The following FAM227B variants were observed in gnomAD, a reference collection of about 807,000 sequenced individuals.
FAM227B encodes the protein protein FAM227B.
A neutral mutation model predicts 73.8 loss-of-function variants in FAM227B; 88 were observed. That is an observed-to-expected ratio of 1.19 (90% CI 1.00 to 1.42). FAM227B has a LOEUF of 1.42. Ranked by LOEUF, FAM227B falls within the 40% of genes most tolerant of loss-of-function variation. FAM227B has a pLI of 0.00. For synonymous variants in FAM227B, 210 were observed against 190.5 expected (o/e 1.10, Z -0.84); for missense variants, 632 against 590.9 (o/e 1.07, Z -0.72).
At chr15:49,380,850 T>A (rs914413783) in intron 11 of FAM227B, among the ~76,000 whole-genome samples, 1 of 152,178 alleles carries the variant, frequency 6.6e-6, no homozygotes, top group Non-Finnish European at 1.5e-5. Context: ...CAGAAGCCCC[T>A]TGTGTTAGTC....
At chr15:49,329,430 C>CTT (rs2038179392) in intron 15 of FAM227B, 1 of 983,072 alleles carries the variant, frequency 1.0e-6, no homozygotes, top group Non-Finnish European at 1.2e-6. Context: ...ATCAGAATTA[C>CTT]TTATTATTCT....
At position 49,541,721 on chromosome 15, in the gene FAM227B, A is replaced by G. The variant is rs141301386; in HGVS notation, c.833T>C (p.Phe278Ser). The G allele has an allele frequency of 4.8e-5, 73 of 1,535,180 alleles. No homozygotes were observed. Among genetic ancestry groups the G allele is most frequent in the Non-Finnish European group, 6.0e-5 (69 of 1,141,344 alleles). The change falls in exon 10 of 16, where the codon TTT becomes TCT. Residue 278 changes from phenylalanine to serine, a missense_variant. Phe to Ser is a radical substitution (Grantham distance 155, BLOSUM62 -2). Coordinates refer to ENST00000299338, the MANE Select transcript of FAM227B (RefSeq NM_152647.3). ...PESSYLFNDE[F>S]KEDLGNNIFL... ...AATGTTATTCCCTAGATCTTCTTTA[A>G]ATTCATCATTAAAGAGGTAACTCGA... is the stretch of plus-strand genomic sequence containing the variant.
Position 49,502,641 on chromosome 15 carries a change from C to G in FAM227B, c.1012+5570G>C, listed in dbSNP as rs186112564. Among the ~76,000 whole-genome samples, 661 of 152,286 alleles carry G rather than the reference C, an allele frequency of 4.3e-3. 10 individuals carry two copies. Among genetic ancestry groups the G allele is most frequent in the African/African-American group, 0.015 (635 of 41,550 alleles). On this transcript the variant is annotated intron_variant, in intron 11 of 15. Transcript: ENST00000299338. Reference sequence around the variant, plus strand: ...GAGACTTGCCTTGTTTTAGATGAGACTTTGGACCTCTGAGTTAATGCTGGA... The same window carrying G: ...GAGACTTGCCTTGTTTTAGATGAGAGTTTGGACCTCTGAGTTAATGCTGGA...
At position 49,462,955 on chromosome 15, in the gene FAM227B, G is replaced by T. The variant is rs139420528; in HGVS notation, c.1012+45256C>A. On this transcript the variant is annotated intron_variant, in intron 11 of 15. Transcript: ENST00000299338. ...ATGGAACTGTGTCATGATAAATATA[G>T]CATTATTGGATTCTCTAAATATCAA... is the stretch of plus-strand genomic sequence containing the variant. Among the ~76,000 whole-genome samples, 31 of 152,252 alleles carry T rather than the reference G, an allele frequency of 2.0e-4. No individual in the cohort carries two copies. In the East Asian group the frequency reaches 5.8e-3, roughly 28 times the overall value.
At chr15:49,443,583 A>T (rs1202733407) in intron 11 of FAM227B, among the ~76,000 whole-genome samples, 1 of 151,788 alleles carries the variant, frequency 6.6e-6, no homozygotes, top group African/African-American at 2.4e-5. Context: ...CAAAAATGAG[A>T]AAATAGTTTT....
intron 11 of FAM227B, among the ~76,000 whole-genome samples, chr15:49,412,904 C>G (rs2048963601): frequency 6.6e-6 from 1 of 152,074 alleles, no homozygotes; most frequent in Admixed American, 6.6e-5. Context: ...AGGTCCAGAT[C>G]TCTCTGATCC....
chr15:49,384,388 C>T (rs1201907561), intron 11 of FAM227B, among the ~76,000 whole-genome samples: 1 of 151,992 alleles, frequency 6.6e-6, no homozygotes, highest in African/African-American at 2.4e-5. Flanking sequence ...GTTAATTATG[C>T]TCAATGCCTG....
intron 5 of FAM227B, among the ~76,000 whole-genome samples, chr15:49,584,612 C>T (rs2076031008): frequency 6.6e-6 from 1 of 151,946 alleles, no homozygotes; most frequent in Admixed American, 6.6e-5. Flanking sequence ...TACCTAGAAA[C>T]CCTATAGTCT....
intron 9 of FAM227B, among the ~76,000 whole-genome samples, chr15:49,547,109 A>G (rs950402001): frequency 3.3e-5 from 5 of 152,222 alleles, no homozygotes; most frequent in African/African-American, 1.2e-4. Context: ...GCCAGAAGAG[A>G]GTGGGGACCA....
At chr15:49,389,643 TTAAA>T (rs2047085894) in intron 11 of FAM227B, among the ~76,000 whole-genome samples, 1 of 151,988 alleles carries the variant, frequency 6.6e-6, no homozygotes, top group African/African-American at 2.4e-5. Context: ...TATTGAATTT[TTAAA>T]AAGAAGAAAA....
chr15:49,327,071 C>CTT lies in FAM227B; in HGVS notation c.*1495_*1496dup, dbSNP rs1233044755. 1.3e-5 allele frequency: 2 copies of CTT among 152,154 alleles called. No homozygotes were observed. Among genetic ancestry groups the CTT allele is most frequent in the African/African-American group, 4.8e-5 (2 of 41,460 alleles). 9.4% of individuals were successfully genotyped at this position (152,154 alleles called of 1,614,324 possible). A position where few individuals can be genotyped will look rare whatever the true frequency, so the allele number is the denominator to read the frequency against. On this transcript the variant is annotated 3_prime_UTR_variant, in exon 16 of 16. Transcript: ENST00000299338. ...ACTTTCGTGTCAGGATAAATTGCAT[C>CTT]TTTTAAAGCTAAGTGATCTGTGTAC...
In FAM227B at chr15:49,611,951, C is replaced by T. The variant is rs145684361; in HGVS notation, c.52-683G>A. On this transcript the variant is annotated intron_variant, in intron 2 of 15. Coordinates refer to ENST00000299338, the MANE Select transcript of FAM227B (RefSeq NM_152647.3). ...ACTTTGTCCATCAAGCCTTTCTTAT[C>T]CCCCAAAGTTTTCTCCGTGGTAACA... Among the ~76,000 whole-genome samples the T allele has an allele frequency of 7.8e-3, 1,192 of 152,068 alleles. 19 individuals carry two copies. Among genetic ancestry groups the T allele is most frequent in the African/African-American group, 0.027 (1,123 of 41,486 alleles).
chr15:49,367,721 A>T (rs1295157022), intron 12 of FAM227B, 113 bp from the exon 13 acceptor site: 1 of 1,034,882 alleles, frequency 9.7e-7, no homozygotes. Flanking sequence ...ATATTAAAAT[A>T]AAGGAAATTC....
chr15:49,571,037 C>T (rs1040341360), intron 8 of FAM227B, among the ~76,000 whole-genome samples: 3 of 151,102 alleles, frequency 2.0e-5, no homozygotes, highest in South Asian at 2.1e-4. Context: ...CTAAAATGAA[C>T]ATGAAAATGC....
intron 11 of FAM227B, among the ~76,000 whole-genome samples, chr15:49,439,156 T>C (rs1374269592): frequency 1.3e-5 from 2 of 151,614 alleles, no homozygotes; most frequent in Non-Finnish European, 3.0e-5. Context: ...GGCAGGCCTC[T>C]GTTTCTATCA....
chr15:49,575,658 AT>A (rs1410974252), intron 7 of FAM227B, among the ~76,000 whole-genome samples: 1 of 152,152 alleles, frequency 6.6e-6, no homozygotes, highest in African/African-American at 2.4e-5. Context: ...CAATAATCAT[AT>A]TTGGCTAGTA....
intron 11 of FAM227B, chr15:49,487,139 A>T (rs1193243817): frequency 1.3e-5 from 2 of 151,928 alleles, no homozygotes; most frequent in African/African-American, 2.4e-5. Flanking sequence ...ATACACAATG[A>T]CTAATCTATA....
At chr15:49,384,504 T>C (rs2046752837) in intron 11 of FAM227B, among the ~76,000 whole-genome samples, 1 of 151,960 alleles carries the variant, frequency 6.6e-6, no homozygotes, top group Non-Finnish European at 1.5e-5. Context: ...CTCTATAGCA[T>C]AAAAACAATA....
At chr15:49,390,626 T>G (rs2047154328) in intron 11 of FAM227B, among the ~76,000 whole-genome samples, 1 of 152,048 alleles carries the variant, frequency 6.6e-6, no homozygotes, top group Admixed American at 6.6e-5. Context: ...ATTTCAGGCT[T>G]TTATCCTCCC....
Sources: allele counts gnomAD v4.1 joint callset (sites outside exome capture counted in the v4.1 genomes callset), GRCh38; gene constraint gnomAD v4.1.1; transcripts MANE v1.5; gene names NCBI Gene and HGNC (gene_info 2026-07-23, HGNC 2026-07-21).